The following ERC2 variants were observed in gnomAD, a reference collection of about 807,000 sequenced individuals.
ERC2 encodes ERC protein 2.
A neutral mutation model predicts 114.8 loss-of-function variants in ERC2; 42 were observed. That is an observed-to-expected ratio of 0.37 (90% CI 0.29 to 0.47). ERC2 has a LOEUF of 0.47. Ranked by LOEUF, ERC2 falls within the 20% of genes least tolerant of loss-of-function variation. The pLI, the probability that ERC2 is intolerant of heterozygous loss-of-function variation, is 0.99. For missense variants in ERC2, 939 were observed against 1,150.7 expected, an observed-to-expected ratio of 0.82 and a Z score of 2.66; for synonymous variants, 454 against 425.5, an observed-to-expected ratio of 1.07 and a Z score of -0.82.
intron 17 of ERC2, among the ~76,000 whole-genome samples, chr3:55,672,917 C>G (rs940055085): frequency 2.0e-5 from 3 of 152,150 alleles, no homozygotes; most frequent in Non-Finnish European, 2.9e-5. Context: ...ACAGTCCGGG[C>G]TCCATCAGCA....
chr3:56,278,983 T>C lies in ERC2; in HGVS notation c.1074+17036A>G, dbSNP rs1037467102. On this transcript the variant is annotated intron_variant, in intron 3 of 17. Coordinates refer to ENST00000288221, the MANE Select transcript of ERC2 (RefSeq NM_015576.3). The stretch of plus-strand genomic sequence containing the variant: ...TTTTGAGTATTACATATCCAAATTA[T>C]AGCATGTGCCATACCAGGCAGAAAT... Among the ~76,000 whole-genome samples, 4 of 152,330 alleles carry C rather than the reference T, an allele frequency of 2.6e-5. 1 individual carries two copies. Among genetic ancestry groups the C allele is most frequent in the Admixed American group, 6.5e-5 (1 of 15,304 alleles).
At chr3:56,041,083 A>G (rs909329984) in intron 7 of ERC2, among the ~76,000 whole-genome samples, 3 of 151,956 alleles carry the variant, frequency 2.0e-5, no homozygotes, top group Non-Finnish European at 2.9e-5. Flanking sequence ...TCTTTTTCTC[A>G]TCAAAATTGT....
At chr3:56,115,583 T>C (rs1232389293) in intron 6 of ERC2, among the ~76,000 whole-genome samples, 1 of 152,174 alleles carries the variant, frequency 6.6e-6, no homozygotes, top group Non-Finnish European at 1.5e-5. Flanking sequence ...TATAAATTTA[T>C]TATTATATCA....
At chr3:55,799,209 C>T (rs1193838028) in intron 14 of ERC2, among the ~76,000 whole-genome samples, 1 of 151,878 alleles carries the variant, frequency 6.6e-6, no homozygotes, top group African/African-American at 2.4e-5. Context: ...ATGCTGAGTT[C>T]CTGTGTGGAC....
intron 13 of ERC2, among the ~76,000 whole-genome samples, chr3:55,942,222 C>T (rs1243896679): frequency 1.4e-5 from 2 of 140,576 alleles, no homozygotes; most frequent in East Asian, 4.3e-4. Context: ...CTTCCTTCAT[C>T]GGCAAAACAA....
At chr3:56,017,192 T>C (rs1210456465) in intron 8 of ERC2, among the ~76,000 whole-genome samples, 1 of 152,114 alleles carries the variant, frequency 6.6e-6, no homozygotes, top group Non-Finnish European at 1.5e-5. Flanking sequence ...TAGAGAACTT[T>C]ACCTGCACTG....
chr3:56,426,724 C>T (rs9829542), intron 2 of ERC2, among the ~76,000 whole-genome samples: 120,452 of 152,170 alleles, frequency 0.79, 47,839 homozygotes, highest in East Asian at 0.93. Flanking sequence ...TAAACCCAAC[C>T]TCCAGTTTAA....
rs143564795 is a variant in ERC2, at chr3:55,981,868, G to A, written c.2267+4109C>T. Among the ~76,000 whole-genome samples the A allele has an allele frequency of 2.3e-4, 35 of 152,238 alleles. No homozygotes were observed. The East Asian group carries it at 6.8e-3, about 29-fold the overall frequency. On this transcript the variant is annotated intron_variant, in intron 12 of 17. Transcript: ENST00000288221. ...TGGGGACAAAGAAAAGAAAGAGTGG[G>A]GTGAGACAAACCCAATGGTTGCTCC...
At chr3:55,682,443 G>A (rs757044257) in intron 17 of ERC2, among the ~76,000 whole-genome samples, 8 of 151,914 alleles carry the variant, frequency 5.3e-5, no homozygotes, top group East Asian at 3.9e-4. Flanking sequence ...GAAAGATGTC[G>A]TACCTGAAAA....
At chr3:56,222,171 T>C (rs923886693) in intron 3 of ERC2, among the ~76,000 whole-genome samples, 1 of 152,126 alleles carries the variant, frequency 6.6e-6, no homozygotes, top group African/African-American at 2.4e-5. Context: ...GGGTACTACA[T>C]CCATGTGAAA....
chr3:56,403,851 A>C (rs2060612983), intron 2 of ERC2, among the ~76,000 whole-genome samples: 1 of 152,210 alleles, frequency 6.6e-6, no homozygotes, highest in Non-Finnish European at 1.5e-5. Context: ...CCAGTCTATA[A>C]AAGGACAGAA....
chr3:56,046,545 T>A (rs1234987617), intron 7 of ERC2, among the ~76,000 whole-genome samples: 3 of 152,206 alleles, frequency 2.0e-5, no homozygotes, highest in Non-Finnish European at 4.4e-5. Flanking sequence ...ATAGCCTATC[T>A]TCACTTAGAA....
chr3:55,752,065 G>C (rs1017311499), intron 14 of ERC2, among the ~76,000 whole-genome samples: 1 of 152,172 alleles, frequency 6.6e-6, no homozygotes, highest in Admixed American at 6.5e-5. Flanking sequence ...ACTGTTTACA[G>C]AATAACTTTG....
chr3:55,761,491 C>T (rs2067426413), intron 14 of ERC2, among the ~76,000 whole-genome samples: 1 of 151,992 alleles, frequency 6.6e-6, no homozygotes, highest in Non-Finnish European at 1.5e-5. Flanking sequence ...TTTTCTGTTG[C>T]AGCTACTTGA....
At chr3:55,521,217 G>A (rs2052908577) in intron 17 of ERC2, among the ~76,000 whole-genome samples, 1 of 152,172 alleles carries the variant, frequency 6.6e-6, no homozygotes, top group African/African-American at 2.4e-5. Context: ...TTTGCCTGTC[G>A]GCCACCTGGG....
chr3:55,765,665 C>T (rs568765462), intron 14 of ERC2, among the ~76,000 whole-genome samples: 1 of 152,122 alleles, frequency 6.6e-6, no homozygotes, highest in African/African-American at 2.4e-5. Context: ...GTTGAGGGAG[C>T]AGCTGTTACT....
chr3:56,152,438 C>G (rs750865413), intron 4 of ERC2, among the ~76,000 whole-genome samples: 1 of 151,624 alleles, frequency 6.6e-6, no homozygotes, highest in Non-Finnish European at 1.5e-5. Flanking sequence ...CGCTAAATAT[C>G]TAGATCAGCC....
chr3:56,245,837 G>A (rs577938588), intron 3 of ERC2, among the ~76,000 whole-genome samples: 294 of 152,018 alleles, frequency 1.9e-3, no homozygotes, highest in African/African-American at 6.9e-3. Flanking sequence ...CACCACTCCC[G>A]GCCCTTAGTT....
At chr3:56,331,723 A>C (rs561965553) in intron 2 of ERC2, among the ~76,000 whole-genome samples, 26 of 152,182 alleles carry the variant, frequency 1.7e-4, no homozygotes, top group Non-Finnish European at 3.2e-4. Context: ...TGCGTGTGGC[A>C]TCGGCCACAC....
Sources: allele counts gnomAD v4.1 joint callset (sites outside exome capture counted in the v4.1 genomes callset), GRCh38; gene constraint gnomAD v4.1.1; transcripts MANE v1.5; gene names NCBI Gene and HGNC (gene_info 2026-07-23, HGNC 2026-07-21).